GLYATL3: variants seen among roughly 807,000 people sequenced by gnomAD.
The protein encoded by GLYATL3 is glycine N-acyltransferase-like protein 3.
In GLYATL3, 31 loss-of-function variants were observed where a neutral mutation model predicts 28.5. The ratio of observed to expected loss-of-function variants is 1.09; its 90% CI spans 0.82 to 1.47. The LOEUF is 1.47. Ranked by LOEUF, GLYATL3 falls within the 40% of genes most tolerant of loss-of-function variation. The pLI is 0.00. For missense variants in GLYATL3, 369 were observed against 351.5 expected (o/e 1.05, Z -0.40); for synonymous variants, 141 against 140.2 (o/e 1.01, Z -0.04).
intron 5 of GLYATL3, 109 bp from the exon 6 acceptor site, chr6:49,526,379 C>G: frequency 1.1e-6 from 1 of 937,662 alleles, no homozygotes; most frequent in African/African-American, 1.6e-5. Context: ...CGCCACTGCA[C>G]TCCAGCCTGG....
chr6:49,517,590 C>CT (rs1769239794), intron 4 of GLYATL3, 34 bp downstream of exon 4: 67 of 1,493,824 alleles, frequency 4.5e-5, no homozygotes, highest in Admixed American at 8.9e-5. Context: ...ATTACACAGT[C>CT]TTTTTTTTCC....
intron 1 of GLYATL3, among the ~76,000 whole-genome samples, chr6:49,510,419 C>G (rs1769100920): frequency 6.6e-6 from 1 of 152,148 alleles, no homozygotes; most frequent in Non-Finnish European, 1.5e-5. Context: ...AACAAATGTT[C>G]TAATTCGTAC....
intron 4 of GLYATL3, among the ~76,000 whole-genome samples, chr6:49,518,518 A>C (rs2127237254): frequency 6.6e-6 from 1 of 152,314 alleles, no homozygotes; most frequent in Non-Finnish European, 1.5e-5. Flanking sequence ...TGGAAATCTA[A>C]AGTCTAGTAT....
At chr6:49,502,755 C>G (rs1768937358) in intron 1 of GLYATL3, among the ~76,000 whole-genome samples, 1 of 152,140 alleles carries the variant, frequency 6.6e-6, no homozygotes, top group East Asian at 1.9e-4. Context: ...TAACAGCAAT[C>G]AAACCATTAT....
chr6:49,522,294 G>GAAGT (rs1377194203), intron 5 of GLYATL3, among the ~76,000 whole-genome samples: 2 of 152,036 alleles, frequency 1.3e-5, no homozygotes, highest in African/African-American at 4.8e-5. Context: ...AAACAGAGAT[G>GAAGT]AAGTAACACA....
chr6:49,511,077 T>C (rs1769113743), intron 1 of GLYATL3, among the ~76,000 whole-genome samples: 1 of 152,192 alleles, frequency 6.6e-6, no homozygotes, highest in Non-Finnish European at 1.5e-5. Flanking sequence ...CATGTTCTCC[T>C]GTCTAGCTGA....
chr6:49,515,549 C>T, intron 2 of GLYATL3, 104 bp from the exon 3 acceptor site: 1 of 640,266 alleles, frequency 1.6e-6, no homozygotes, highest in South Asian at 2.0e-5. Context: ...ATAATTTCCC[C>T]TCTTGTGGAC....
At chr6:49,506,711 G>A (rs987835284) in intron 1 of GLYATL3, among the ~76,000 whole-genome samples, 23 of 152,028 alleles carry the variant, frequency 1.5e-4, no homozygotes, top group African/African-American at 3.1e-4. Flanking sequence ...AGACAAGGAC[G>A]GCTCAATAGT....
At chr6:49,517,038 C>T (rs1769228879) in intron 3 of GLYATL3, among the ~76,000 whole-genome samples, 1 of 150,598 alleles carries the variant, frequency 6.6e-6, no homozygotes, top group Non-Finnish European at 1.5e-5. Flanking sequence ...CACCTGTAAT[C>T]TCAGCTACTT....
chr6:49,500,919 T>A (rs566749896), intron 1 of GLYATL3, among the ~76,000 whole-genome samples: 1 of 152,212 alleles, frequency 6.6e-6, no homozygotes, highest in Non-Finnish European at 1.5e-5. Flanking sequence ...TAATGAAAGA[T>A]CCTTATGAAA....
chr6:49,513,753 G>A (rs1055069939), intron 2 of GLYATL3, among the ~76,000 whole-genome samples: 1 of 152,068 alleles, frequency 6.6e-6, no homozygotes, highest in Non-Finnish European at 1.5e-5. Context: ...GTCCAGATTG[G>A]GTAATATAGA....
Position 49,504,564 on chromosome 6 carries a change from T to C in GLYATL3, c.-29+4522T>C, listed in dbSNP as rs190477766. The stretch of plus-strand genomic sequence containing the variant: ...ATTTAGGAATATTAAGAAAATTTAA[T>C]GTGAGCAATGCAAAGTTTAATTGTA... On this transcript the variant is annotated intron_variant, in intron 1 of 5. Coordinates refer to ENST00000371197, the MANE Select transcript of GLYATL3 (RefSeq NM_001010904.2). Among the ~76,000 whole-genome samples, 234 of 152,324 alleles carry C rather than the reference T, an allele frequency of 1.5e-3. 2 individuals carry two copies. The highest frequency in any genetic ancestry group is 1.5e-3 in the South Asian group (7 of 4,826).
intron 2 of GLYATL3, among the ~76,000 whole-genome samples, chr6:49,514,855 T>C (rs1013056451): frequency 6.6e-6 from 1 of 151,984 alleles, no homozygotes; most frequent in Non-Finnish European, 1.5e-5. Context: ...TGATCTGTGA[T>C]TGCCCCATAA....
At chr6:49,517,658 T>A in intron 4 of GLYATL3, 102 bp downstream of exon 4, 1 of 812,368 alleles carries the variant, frequency 1.2e-6, no homozygotes, top group Non-Finnish European at 1.8e-6. Context: ...ATATATAGAT[T>A]ATCTATACAC....
rs1016637512 is a variant in GLYATL3, at chr6:49,512,153, T to C, written c.78+85T>C. ...TCAAACTTGTGGCTATTTTCCTTTTTTTCTGATAATAAGACTCTCTAGGAG... is the reference window on the plus strand; with the variant it reads ...TCAAACTTGTGGCTATTTTCCTTTTCTTCTGATAATAAGACTCTCTAGGAG... On this transcript the variant is annotated intron_variant, in intron 2 of 5. Coordinates refer to ENST00000371197, the MANE Select transcript of GLYATL3 (RefSeq NM_001010904.2). 6 of 676,330 alleles carry C rather than the reference T, an allele frequency of 8.9e-6. No homozygotes were observed. The African/African-American group carries it at 9.0e-5, about 10-fold the overall frequency. The allele number at this position is 676,330 out of a possible 1,614,324, so 41.9% of individuals were successfully genotyped here.
intron 1 of GLYATL3, among the ~76,000 whole-genome samples, chr6:49,510,927 A>T (rs938375088): frequency 1.3e-5 from 2 of 152,226 alleles, no homozygotes; most frequent in East Asian, 3.9e-4. Flanking sequence ...AGGAGATTTT[A>T]GGTAGATTAC....
chr6:49,521,791 G>T lies in GLYATL3; in HGVS notation c.440+20G>T. On this transcript the variant is annotated intron_variant, in intron 5 of 5. Coordinates refer to ENST00000371197, the MANE Select transcript of GLYATL3 (RefSeq NM_001010904.2). ...TTTCCTGTATGTAAACCAAGTTTTTGCATTTGGGGCAGGACTTACTGCTAT... is the reference window on the plus strand; with the variant it reads ...TTTCCTGTATGTAAACCAAGTTTTTTCATTTGGGGCAGGACTTACTGCTAT... 1 of 1,548,662 alleles carries T rather than the reference G, an allele frequency of 6.5e-7. No individual in the cohort carries two copies. Among genetic ancestry groups the T allele is most frequent in the Non-Finnish European group, 8.7e-7 (1 of 1,145,242 alleles).
Position 49,527,004 on chromosome 6 carries a change from A to C in GLYATL3, c.*90A>C. 1.0e-6 allele frequency: 1 copy of C among 980,708 alleles called. No homozygotes were observed. The highest frequency in any genetic ancestry group is 1.5e-6 in the Non-Finnish European group (1 of 682,320). 60.8% of individuals were successfully genotyped at this position (980,708 alleles called of 1,614,324 possible). On this transcript the variant is annotated 3_prime_UTR_variant, in exon 6 of 6. Coordinates refer to ENST00000371197, the MANE Select transcript of GLYATL3 (RefSeq NM_001010904.2). ...CGAGGGGAGAGTTAAAATGGGAATC[A>C]GGGGACTCTTGAGTTGTTGGAAAGG...
At chr6:49,502,950 G>A (rs546249853) in intron 1 of GLYATL3, among the ~76,000 whole-genome samples, 198 of 152,238 alleles carry the variant, frequency 1.3e-3, no homozygotes, top group African/African-American at 4.7e-3. Context: ...GTCAATCCAA[G>A]CATACAAGTA....
Sources: gnomAD v4.1 joint callset for allele counts (sites outside exome capture counted in the v4.1 genomes callset) on GRCh38, gnomAD v4.1.1 for gene constraint, MANE v1.5 for transcripts, NCBI Gene and HGNC (gene_info 2026-07-23, HGNC 2026-07-21) for gene names.